RFPL1: variants seen among roughly 807,000 people sequenced by gnomAD.
RFPL1 encodes the protein ret finger protein like 1.
RFPL1 carries 6 observed loss-of-function variants against 9.6 expected under a neutral mutation model. That is an observed-to-expected ratio of 0.62 (90% CI 0.34 to 1.23). The LOEUF is 1.23. RFPL1 is among the 50% of genes most tolerant of loss of function. RFPL1 has a pLI of 0.03. For synonymous variants in RFPL1, 145 were observed against 149.4 expected (o/e 0.97, Z 0.22); for missense variants, 352 against 398.4 (o/e 0.88, Z 0.99).
intron 1 of RFPL1, chr22:29,439,558 G>T (rs1440424897): frequency 1.6e-5 from 3 of 192,830 alleles, no homozygotes; most frequent in Admixed American, 1.1e-4. Flanking sequence ...CGTTAACCTG[G>T]GGGGGGCGGA....
chr22:29,423,227 C>G, the RFPL1 span: 1 of 1,229,594 alleles, frequency 8.1e-7, no homozygotes, highest in Non-Finnish European at 1.2e-6. Flanking sequence ...TTCAGTTATG[C>G]TCCATCCCAT....
upstream of RFPL1, chr22:29,437,363 C>T (rs186891716): frequency 4.7e-4 from 189 of 405,432 alleles, 3 homozygotes; most frequent in East Asian, 0.011. Context: ...TTGAAGCCTA[C>T]AACATATTAC....
At chr22:29,394,365 C>T in the RFPL1 span, among the ~76,000 whole-genome samples, 2 of 135,702 alleles carry the variant, frequency 1.5e-5, no homozygotes, top group Admixed American at 7.1e-5. Context: ...TGTTTTGAGA[C>T]GGAGTCTCGC....
chr22:29,424,832 C>T, the RFPL1 span, among the ~76,000 whole-genome samples: 7 of 75,004 alleles, frequency 9.3e-5, 1 homozygote, highest in Non-Finnish European at 7.7e-5. Context: ...CTGTCCCTCC[C>T]ACCCCCCCCC....
upstream of RFPL1, chr22:29,435,050 T>C (rs2062802167): frequency 6.6e-6 from 1 of 152,222 alleles, no homozygotes; most frequent in Non-Finnish European, 1.5e-5. Flanking sequence ...TTATGCTCAA[T>C]GCAAGAAACT....
the RFPL1 span, among the ~76,000 whole-genome samples, chr22:29,388,271 A>G: frequency 6.6e-6 from 1 of 152,168 alleles, no homozygotes; most frequent in East Asian, 1.9e-4. Context: ...ACGAACCCTC[A>G]GCCCTTCCTC....
At chr22:29,416,300 G>GC in the RFPL1 span, among the ~76,000 whole-genome samples, 1 of 151,908 alleles carries the variant, frequency 6.6e-6, no homozygotes, top group Non-Finnish European at 1.5e-5. Context: ...ACCCTGCTGA[G>GC]CAAATGCCCA....
exon 1 of RFPL1, chr22:29,438,734 G>A (rs2062821428): frequency 1.3e-6 from 2 of 1,584,382 alleles, no homozygotes; most frequent in Non-Finnish European, 8.6e-7. Flanking sequence ...GTGCTTGAGT[G>A]TTTGTACTCA....
At chr22:29,419,485 C>T in the RFPL1 span, among the ~76,000 whole-genome samples, 1 of 151,940 alleles carries the variant, frequency 6.6e-6, no homozygotes, top group African/African-American at 2.4e-5. Flanking sequence ...TGCAGTCGCT[C>T]ACACCTGTAA....
At chr22:29,390,846 C>T in the RFPL1 span, among the ~76,000 whole-genome samples, 1 of 151,740 alleles carries the variant, frequency 6.6e-6, no homozygotes. Context: ...GATCCGCCCG[C>T]CTCAGCCTCC....
At chr22:29,420,633 G>GTTTTTTTT in the RFPL1 span, among the ~76,000 whole-genome samples, 15 of 20,394 alleles carry the variant, frequency 7.4e-4, 1 homozygote, top group Admixed American at 1.8e-3. Flanking sequence ...ATGGTTTTTT[G>GTTTTTTTT]CTTTTTTTTT....
At position 29,439,905 on chromosome 22, in the gene RFPL1, A is replaced by C. The variant is rs542047357; in HGVS notation, c.373+741A>C. 7 of 152,352 alleles carry C rather than the reference A, an allele frequency of 4.6e-5. No homozygotes were observed. The East Asian group carries it at 1.4e-3, about 29-fold the overall frequency. 9.4% of individuals were successfully genotyped at this position (152,352 alleles called of 1,614,324 possible). The stretch of plus-strand genomic sequence containing the variant: ...AGTATTGGCACCCACTGTACCAAAC[A>C]ACCTCACCCCAGGGTTGGGAAGAGT... On this transcript the variant is annotated intron_variant, in intron 1 of 1. Transcript: ENST00000354373.
the RFPL1 span, among the ~76,000 whole-genome samples, chr22:29,403,953 A>G: frequency 6.6e-6 from 1 of 152,196 alleles, no homozygotes; most frequent in Non-Finnish European, 1.5e-5. Flanking sequence ...TAAATATGAA[A>G]CAACCTATGC....
At chr22:29,427,553 A>G in the RFPL1 span, among the ~76,000 whole-genome samples, 1 of 152,174 alleles carries the variant, frequency 6.6e-6, no homozygotes, top group African/African-American at 2.4e-5. Flanking sequence ...AAGACTAGAG[A>G]TGATTCAACA....
the RFPL1 span, among the ~76,000 whole-genome samples, chr22:29,410,294 G>A: frequency 9.4e-6 from 1 of 106,852 alleles, no homozygotes; most frequent in Non-Finnish European, 1.7e-5. Flanking sequence ...CTATATATAT[G>A]TAGATATATA....
chr22:29,441,708 C>T, exon 2 of RFPL1: 1 of 1,613,946 alleles, frequency 6.2e-7, no homozygotes, highest in Non-Finnish European at 8.5e-7. Context: ...GTGGCCGCCA[C>T]TACTGGGAGG....
At position 29,441,309 on chromosome 22, in the gene RFPL1, C is replaced by T. The variant is rs151068308; in HGVS notation, c.374-233C>T. Reference sequence around the variant, plus strand: ...GAAGAAAAGTCCAATGAAGCAAACACGTGACATAAAGTAAAATAATTGCTA... The same window carrying T: ...GAAGAAAAGTCCAATGAAGCAAACATGTGACATAAAGTAAAATAATTGCTA... On this transcript the variant is annotated intron_variant, in intron 1 of 1. Coordinates refer to ENST00000354373, the Ensembl canonical transcript of RFPL1. The T allele has an allele frequency of 1.3e-3, 675 of 535,770 alleles. 2 individuals are homozygous for T. The highest frequency in any genetic ancestry group is 1.5e-3 in the Non-Finnish European group (456 of 307,584). 33.2% of individuals were successfully genotyped at this position (535,770 alleles called of 1,614,324 possible).
At chr22:29,405,015 C>T in the RFPL1 span, among the ~76,000 whole-genome samples, 1 of 152,254 alleles carries the variant, frequency 6.6e-6, no homozygotes, top group African/African-American at 2.4e-5. Flanking sequence ...CAGCCATGTG[C>T]CAGGACACCT....
chr22:29,396,835 C>T, the RFPL1 span, among the ~76,000 whole-genome samples: 17 of 151,794 alleles, frequency 1.1e-4, no homozygotes, highest in Non-Finnish European at 2.5e-4. Context: ...GTGATCCACC[C>T]ACCTTGGCCT....
Sources: allele counts gnomAD v4.1 joint callset (sites outside exome capture counted in the v4.1 genomes callset), GRCh38; gene constraint gnomAD v4.1.1; transcripts MANE v1.5; gene names NCBI Gene and HGNC (gene_info 2026-07-23, HGNC 2026-07-21).